C3orf20: variants seen among roughly 807,000 people sequenced by gnomAD.
The protein encoded by C3orf20 is family with sequence similarity 149 member C, also known as uncharacterized protein C3orf20.
A neutral mutation model predicts 88.3 loss-of-function variants in C3orf20; 76 were observed. The ratio of observed to expected loss-of-function variants is 0.86; its 90% CI spans 0.72 to 1.04. The LOEUF is 1.04. Among genes scored for constraint, C3orf20 ranks in the 50% least tolerant of loss-of-function variants. C3orf20 has a pLI of 0.00. For missense variants in C3orf20, 1,056 were observed against 1,123.3 expected (o/e 0.94, Z 0.86); for synonymous variants, 436 against 437.4 (o/e 1.00, Z 0.04).
chr3:14,702,986 C>G, intron 5 of C3orf20, 144 bp from the exon 6 acceptor site: 1 of 982,526 alleles, frequency 1.0e-6, no homozygotes, highest in Non-Finnish European at 1.5e-6. Context: ...AGGGCCCATG[C>G]AAGTCTAAAA....
At position 14,716,699 on chromosome 3, in the gene C3orf20, C is replaced by T. The variant is rs2033953368; in HGVS notation, c.1434+1290C>T. Among the ~76,000 whole-genome samples the T allele has an allele frequency of 1.3e-5, 2 of 152,214 alleles. 1 individual carries two copies. The highest frequency in any genetic ancestry group is 4.1e-4 in the South Asian group (2 of 4,832). ...TCCTTTGTGGCATCCCATCCCACAC[C>T]CATTTCTATCTTCCCACAGTGCACA... On this transcript the variant is annotated intron_variant, in intron 9 of 16. Coordinates refer to ENST00000253697, the MANE Select transcript of C3orf20 (RefSeq NM_032137.5).
intron 12 of C3orf20, among the ~76,000 whole-genome samples, chr3:14,737,981 A>C (rs1290622527): frequency 6.6e-6 from 1 of 152,160 alleles, no homozygotes; most frequent in African/African-American, 2.4e-5. Flanking sequence ...GATTGCAGCA[A>C]TTCGGTCACA....
Position 14,677,089 on chromosome 3 carries a change from C to T in C3orf20, c.-299+1837C>T, listed in dbSNP as rs530077258. ...CATGCCTGCTCACAAATTGCAGTCA[C>T]GCGCTGACATCTGGACTCGCTGCCC... On this transcript the variant is annotated intron_variant, in intron 1 of 16. Transcript: ENST00000253697. Among the ~76,000 whole-genome samples the T allele has an allele frequency of 4.6e-5, 7 of 152,296 alleles. No homozygotes were observed. The East Asian group carries it at 9.6e-4, about 21-fold the overall frequency.
At position 14,761,629 on chromosome 3, in the gene C3orf20, C is replaced by T; in HGVS notation, c.2495+14C>T. The T allele has an allele frequency of 6.2e-7, 1 of 1,613,512 alleles. No individual in the cohort carries two copies. The highest frequency in any genetic ancestry group is 1.1e-5 in the South Asian group (1 of 91,058). On this transcript the variant is annotated intron_variant, in intron 15 of 16. Transcript: ENST00000253697. ...CTACAAATTCAGGTAAAACAGGAAA[C>T]ACGCAGGATGAGGGATGGGCCTGGG... is the stretch of plus-strand genomic sequence containing the variant.
chr3:14,772,788 T>C lies in C3orf20; in HGVS notation c.2631-3T>C. On this transcript the variant is annotated splice_polypyrimidine_tract_variant and splice_region_variant and intron_variant, in intron 16 of 16. Transcript: ENST00000253697. The surrounding 1 kb of genome is among the most constrained non-coding windows in gnomAD (Gnocchi z 4.2). ...CCTCCCGGCCCTCTATTTTGATCTT[T>C]AGGACAAGAGAGCCTGAAGTGGAGC... 1 of 1,613,052 alleles carries C rather than the reference T, an allele frequency of 6.2e-7. No homozygotes were observed. Among genetic ancestry groups the C allele is most frequent in the Non-Finnish European group, 8.5e-7 (1 of 1,179,162 alleles).
chr3:14,758,858 G>C (rs901713983), intron 13 of C3orf20, among the ~76,000 whole-genome samples: 3 of 152,206 alleles, frequency 2.0e-5, no homozygotes, highest in African/African-American at 7.2e-5. Context: ...AGCCATGTTT[G>C]TTTTCCAGAG....
chr3:14,678,064 A>T (rs1167127202), intron 1 of C3orf20, among the ~76,000 whole-genome samples: 2 of 152,102 alleles, frequency 1.3e-5, no homozygotes, highest in Non-Finnish European at 2.9e-5. Flanking sequence ...CTGTAGCGGC[A>T]TCCAGTTCCT....
chr3:14,712,172 ACGCG>A (rs201794636), intron 7 of C3orf20, among the ~76,000 whole-genome samples: 5,350 of 77,610 alleles, frequency 0.069, 112 homozygotes, highest in Middle Eastern at 0.081. Context: ...ACGCACACAC[ACGCG>A]CGCGCGCACA....
intron 4 of C3orf20, 105 bp downstream of exon 4, chr3:14,684,487 A>C: frequency 7.1e-7 from 1 of 1,411,046 alleles, no homozygotes; most frequent in Non-Finnish European, 9.6e-7. Flanking sequence ...ATTTCCAAGA[A>C]TTGAGGTGGA....
chr3:14,764,963 C>T (rs1273412006), intron 15 of C3orf20: 3 of 152,134 alleles, frequency 2.0e-5, no homozygotes, highest in African/African-American at 7.2e-5. Context: ...TTGAAAAGCA[C>T]TCCATCCACC....
chr3:14,755,628 C>T (rs1435923348), intron 12 of C3orf20, among the ~76,000 whole-genome samples: 2 of 152,198 alleles, frequency 1.3e-5, no homozygotes. Context: ...GCTCTTGTTT[C>T]AGGATGTCCT....
chr3:14,732,857 T>C (rs1313879253), intron 12 of C3orf20, among the ~76,000 whole-genome samples: 5 of 90,426 alleles, frequency 5.5e-5, no homozygotes, highest in African/African-American at 1.9e-4. Flanking sequence ...CTATGATCCA[T>C]TTTGAGTTAA....
At chr3:14,721,342 C>T (rs2034153692) in intron 9 of C3orf20, among the ~76,000 whole-genome samples, 2 of 152,230 alleles carry the variant, frequency 1.3e-5, no homozygotes, top group South Asian at 4.1e-4. Flanking sequence ...ATTCCCAATT[C>T]ATCTTTACCA....
At chr3:14,715,929 A>T (rs1305347941) in intron 9 of C3orf20, among the ~76,000 whole-genome samples, 1 of 152,142 alleles carries the variant, frequency 6.6e-6, no homozygotes, top group Non-Finnish European at 1.5e-5. Flanking sequence ...CCAAAGATTT[A>T]TTAAATAACA....
intron 7 of C3orf20, among the ~76,000 whole-genome samples, chr3:14,705,159 C>A (rs532746671): frequency 1.3e-5 from 2 of 152,344 alleles, no homozygotes; most frequent in East Asian, 3.9e-4. Flanking sequence ...GAGCATAGTG[C>A]TAGTTGTGTC....
Position 14,772,355 on chromosome 3 carries a change from C to A in C3orf20, c.2630+154C>A. 2.0e-6 allele frequency: 2 copies of A among 978,246 alleles called. No homozygotes were observed. Among genetic ancestry groups the A allele is most frequent in the Non-Finnish European group, 3.0e-6 (2 of 662,078 alleles). The allele number at this position is 978,246 out of a possible 1,614,324, so 60.6% of individuals were successfully genotyped here. ...CCCATGTAATCAACACAATATTGGG[C>A]GGGCATGCAGGCTGCCCTGGAGCTG... On this transcript the variant is annotated intron_variant, in intron 16 of 16. Transcript: ENST00000253697. This position sits in a 1 kb window ranked among gnomAD's most constrained non-coding sequence, Gnocchi z 4.2.
intron 9 of C3orf20, among the ~76,000 whole-genome samples, chr3:14,718,547 CT>C (rs1451785155): frequency 6.6e-6 from 1 of 152,156 alleles, no homozygotes; most frequent in Non-Finnish European, 1.5e-5. Flanking sequence ...GAGTTGGCCT[CT>C]GTTGATTATC....
At position 14,727,141 on chromosome 3, in the gene C3orf20, G is replaced by C. The variant is rs2034380183; in HGVS notation, c.1690+117G>C. 6 of 1,210,608 alleles carry C rather than the reference G, an allele frequency of 5.0e-6. No homozygotes were observed. In the East Asian group the frequency reaches 1.4e-4, roughly 28 times the overall value. 75.0% of individuals were successfully genotyped at this position (1,210,608 alleles called of 1,614,324 possible). A position where few individuals can be genotyped will look rare whatever the true frequency, so the allele number is the denominator to read the frequency against. ...TTACCGCCCATTCCATCTTCAGTCT[G>C]AATGTCCAGGGAAGTAGGCATAGCA... On this transcript the variant is annotated intron_variant, in intron 11 of 16. Coordinates refer to ENST00000253697, the MANE Select transcript of C3orf20 (RefSeq NM_032137.5).
chr3:14,750,489 A>G (rs941148267), intron 12 of C3orf20, among the ~76,000 whole-genome samples: 68 of 151,348 alleles, frequency 4.5e-4, no homozygotes, highest in African/African-American at 1.6e-3. Context: ...CTGGAGGTTG[A>G]GGCTGCAGTG....
Sources: gnomAD v4.1 joint callset for allele counts (sites outside exome capture counted in the v4.1 genomes callset) on GRCh38, gnomAD v4.1.1 for gene constraint, Gnocchi (gnomAD v3.1) non-coding constraint, MANE v1.5 for transcripts, NCBI Gene and HGNC (gene_info 2026-07-23, HGNC 2026-07-21) for gene names.